Variants in ACO2 observed in about 807,000 individuals in gnomAD.
ACO2 encodes aconitase 2.
Under a neutral mutation model 84.5 loss-of-function variants are expected in ACO2, and 31 were observed. The ratio of observed to expected loss-of-function variants is 0.37; its 90% CI spans 0.28 to 0.50. ACO2 has a LOEUF of 0.50. Ranked by LOEUF, ACO2 falls within the 20% of genes least tolerant of loss-of-function variation. The pLI is 0.97. For synonymous variants in ACO2, 414 were observed against 412.7 expected, an observed-to-expected ratio of 1.00 and a Z score of -0.04; for missense variants, 685 against 1,029.3, an observed-to-expected ratio of 0.67 and a Z score of 4.58.
intron 1 of ACO2, among the ~76,000 whole-genome samples, chr22:41,495,570 A>G (rs777751915): frequency 2.0e-5 from 3 of 151,858 alleles, no homozygotes; most frequent in Non-Finnish European, 4.4e-5. Context: ...TAAGATTACA[A>G]TGTATTGTCT....
chr22:41,523,058 C>T, intron 10 of ACO2, 71 bp downstream of exon 10: 7 of 1,590,706 alleles, frequency 4.4e-6, no homozygotes, highest in Non-Finnish European at 6.0e-6. Context: ...GGCACAAGCC[C>T]AGAGGCCTGT....
chr22:41,506,066 T>C (rs994334724), intron 2 of ACO2, among the ~76,000 whole-genome samples: 2 of 151,978 alleles, frequency 1.3e-5, no homozygotes, highest in African/African-American at 4.8e-5. Context: ...AGGTCAGGTT[T>C]GGGCTTTTTT....
Position 41,524,988 on chromosome 22 carries a change from G to C in ACO2, c.1605+20G>C. 1 of 1,614,124 alleles carries C rather than the reference G, an allele frequency of 6.2e-7. No homozygotes were observed. Among genetic ancestry groups the C allele is most frequent in the Non-Finnish European group, 8.5e-7 (1 of 1,180,020 alleles). ...AAAGGGGTGAGCGCCCACGCCCCCT[G>C]CTTGCTGGTTGCTGTGTGGCCACGT... On this transcript the variant is annotated intron_variant, in intron 13 of 17. Transcript: ENST00000216254.
chr22:41,496,155 A>G (rs2066311966), intron 1 of ACO2, among the ~76,000 whole-genome samples: 1 of 151,496 alleles, frequency 6.6e-6, no homozygotes, highest in African/African-American at 2.4e-5. Flanking sequence ...CCACCAAGAA[A>G]GTACAAAAAT....
At chr22:41,471,322 T>C (rs978662427) in intron 1 of ACO2, among the ~76,000 whole-genome samples, 1 of 152,178 alleles carries the variant, frequency 6.6e-6, no homozygotes, top group Non-Finnish European at 1.5e-5. Context: ...GAATGAACAA[T>C]ATTATGCAGT....
intron 13 of ACO2, 110 bp downstream of exon 13, chr22:41,525,078 A>G: frequency 6.2e-7 from 1 of 1,601,708 alleles, no homozygotes; most frequent in South Asian, 1.1e-5. Flanking sequence ...GTGAGAAGGA[A>G]GCAGCTCTGT....
At chr22:41,525,059 G>T in intron 13 of ACO2, 91 bp downstream of exon 13, 1 of 1,606,546 alleles carries the variant, frequency 6.2e-7, no homozygotes, top group Non-Finnish European at 8.5e-7. Flanking sequence ...GGCAGGGAGG[G>T]CGCTGCTAGT....
At chr22:41,503,890 A>G (rs2066372187) in intron 2 of ACO2, among the ~76,000 whole-genome samples, 1 of 152,290 alleles carries the variant, frequency 6.6e-6, no homozygotes, top group South Asian at 2.1e-4. Flanking sequence ...GACACGGAGA[A>G]AGAGGGCAGA....
At chr22:41,516,014 ATCTG>A (rs1376899705) in intron 6 of ACO2, 97 bp downstream of exon 6, 1 of 1,478,438 alleles carries the variant, frequency 6.8e-7, no homozygotes, top group Non-Finnish European at 9.3e-7. Flanking sequence ...TCACTTGAGA[ATCTG>A]TCTGTTCCAT....
chr22:41,478,740 C>T (rs559414119), intron 1 of ACO2, among the ~76,000 whole-genome samples: 4 of 151,410 alleles, frequency 2.6e-5, no homozygotes, highest in South Asian at 2.1e-4. Flanking sequence ...TTAAAACCCC[C>T]GCCCTGTCCC....
At chr22:41,478,488 G>A (rs768860284) in intron 1 of ACO2, among the ~76,000 whole-genome samples, 5 of 152,150 alleles carry the variant, frequency 3.3e-5, no homozygotes, top group Non-Finnish European at 7.4e-5. Context: ...GGGGGAAGAG[G>A]TAGAAATGAA....
At chr22:41,488,245 G>A (rs1000435885) in intron 1 of ACO2, among the ~76,000 whole-genome samples, 3 of 152,154 alleles carry the variant, frequency 2.0e-5, no homozygotes, top group African/African-American at 7.2e-5. Context: ...CCTCAGGTGC[G>A]CTATAGCAGA....
At chr22:41,492,057 T>G (rs1350779433) in intron 1 of ACO2, among the ~76,000 whole-genome samples, 1 of 152,198 alleles carries the variant, frequency 6.6e-6, no homozygotes, top group Non-Finnish European at 1.5e-5. Flanking sequence ...GCTATCGAAT[T>G]CTGACTTACC....
chr22:41,519,215 G>A (rs181147493), intron 8 of ACO2, among the ~76,000 whole-genome samples: 71 of 152,338 alleles, frequency 4.7e-4, no homozygotes, highest in Non-Finnish European at 4.3e-4. Flanking sequence ...ACCCTGAGAC[G>A]CACAGATCAG....
In ACO2 at chr22:41,528,018, G is replaced by C. The variant is rs753583156; in HGVS notation, c.2204G>C (p.Gly735Ala). Residue 735 changes from glycine to alanine, a missense_variant, in exon 17 of 18, where the codon GGC (glycine) becomes GCC (alanine). Physicochemically the swap from Gly to Ala is moderately conservative, Grantham distance 60 (BLOSUM62 0). Transcript: ENST00000216254. ...TIQGLKDFTP[G>A]KPLKCIIKHP... ...CAGGGCCTGAAGGACTTCACCCCTG[G>C]CAAGGTTAGGGGCCCGGGTCCCCCT... The C allele has an allele frequency of 1.2e-6, 2 of 1,614,154 alleles. No individual in the cohort carries two copies. The highest frequency in any genetic ancestry group is 1.7e-5 in the Admixed American group (1 of 60,024).
intron 1 of ACO2, among the ~76,000 whole-genome samples, chr22:41,469,839 TGATA>T (rs3045389): frequency 0.76 from 115,800 of 151,774 alleles, 44,757 homozygotes; most frequent in East Asian, 0.95. Flanking sequence ...TTTTCTCATT[TGATA>T]GATGATAAAG....
intron 1 of ACO2, among the ~76,000 whole-genome samples, chr22:41,483,574 T>C (rs1013005481): frequency 1.3e-5 from 2 of 151,882 alleles, no homozygotes; most frequent in African/African-American, 4.8e-5. Flanking sequence ...GGAGAATCGC[T>C]TGAACCCAGG....
At chr22:41,485,389 C>A (rs999751686) in intron 1 of ACO2, among the ~76,000 whole-genome samples, 1 of 151,936 alleles carries the variant, frequency 6.6e-6, no homozygotes, top group African/African-American at 2.4e-5. Context: ...CAACCTCTGC[C>A]TCCCGAGTAG....
intron 15 of ACO2, 142 bp downstream of exon 15, chr22:41,526,595 G>A: frequency 1.1e-6 from 1 of 900,168 alleles, no homozygotes; most frequent in South Asian, 2.0e-5. Context: ...AGGGAGGAGA[G>A]GCCTGCAGCC....
Sources: allele counts gnomAD v4.1 joint callset (sites outside exome capture counted in the v4.1 genomes callset), GRCh38; gene constraint gnomAD v4.1.1; transcripts MANE v1.5; gene names NCBI Gene and HGNC (gene_info 2026-07-23, HGNC 2026-07-21).